PPP1R16B: variants seen among roughly 807,000 people sequenced by gnomAD.
PPP1R16B encodes protein phosphatase 1 regulatory inhibitor subunit 16B.
In PPP1R16B, 14 loss-of-function variants were observed where a neutral mutation model predicts 61.7. That is an observed-to-expected ratio of 0.23 (90% CI 0.15 to 0.35). The LOEUF is 0.35. Ranked by LOEUF, PPP1R16B falls within the 10% of genes least tolerant of loss-of-function variation. The probability of loss-of-function intolerance (pLI) is 1.00; values close to 1 mark genes in which losing one functional copy is unlikely to be tolerated. For synonymous variants in PPP1R16B, 266 were observed against 305.3 expected, an observed-to-expected ratio of 0.87 and a Z score of 1.34; for missense variants, 547 against 752.5, an observed-to-expected ratio of 0.73 and a Z score of 3.19.
chr20:38,894,281 C>G (rs2085317075), intron 3 of PPP1R16B, among the ~76,000 whole-genome samples: 1 of 152,188 alleles, frequency 6.6e-6, no homozygotes, highest in Non-Finnish European at 1.5e-5. Flanking sequence ...CACGCCTACA[C>G]CCACGCCCAC....
chr20:38,807,626 G>A (rs540641623), intron 1 of PPP1R16B, among the ~76,000 whole-genome samples: 1 of 152,216 alleles, frequency 6.6e-6, no homozygotes, highest in South Asian at 2.1e-4. Flanking sequence ...AATCTCCCAT[G>A]CCCTTCTCTC....
intron 3 of PPP1R16B, among the ~76,000 whole-genome samples, chr20:38,891,386 T>C (rs556852536): frequency 3.9e-4 from 59 of 152,378 alleles, no homozygotes; most frequent in African/African-American, 1.4e-3. Flanking sequence ...CAGCACTCGA[T>C]ACTGGATAAA....
At chr20:38,841,353 GAAAAA>G (rs34203271) in intron 2 of PPP1R16B, among the ~76,000 whole-genome samples, 1 of 42,584 alleles carries the variant, frequency 2.3e-5, no homozygotes, top group African/African-American at 8.0e-5. Context: ...TGTCTGTACT[GAAAAA>G]AAAAAAAAAA....
intron 2 of PPP1R16B, among the ~76,000 whole-genome samples, chr20:38,872,163 G>A (rs762604040): frequency 5.9e-5 from 9 of 152,162 alleles, no homozygotes; most frequent in Non-Finnish European, 1.2e-4. Flanking sequence ...GACTTCACCG[G>A]GTGGTGCCTT....
chr20:38,895,218 C>T (rs2085325263), intron 3 of PPP1R16B, among the ~76,000 whole-genome samples: 1 of 151,830 alleles, frequency 6.6e-6, no homozygotes, highest in African/African-American at 2.4e-5. Context: ...TGGAGAAAGC[C>T]TTTTGGGATT....
At chr20:38,851,368 G>A (rs368728274) in intron 2 of PPP1R16B, among the ~76,000 whole-genome samples, 5 of 151,996 alleles carry the variant, frequency 3.3e-5, no homozygotes, top group East Asian at 1.9e-4. Context: ...AGGAGGCTGA[G>A]GCAGGAGAAT....
chr20:38,835,870 T>C lies in PPP1R16B; in HGVS notation c.-56T>C. The C allele has an allele frequency of 6.8e-7, 1 of 1,472,954 alleles. No homozygotes were observed. The highest frequency in any genetic ancestry group is 1.3e-5 in the South Asian group (1 of 74,620). 91.2% of individuals were successfully genotyped at this position (1,472,954 alleles called of 1,614,324 possible). A position where few individuals can be genotyped will look rare whatever the true frequency, so the allele number is the denominator to read the frequency against. ...CCCCACCAGAGGCCCCGCGCTGCCC[T>C]GGCCCCCGGTGCACCGTGCTAGCCC... On this transcript the variant is annotated 5_prime_UTR_variant, in exon 2 of 11. Transcript: ENST00000299824.
At chr20:38,903,228 A>G (rs2085410936) in intron 6 of PPP1R16B, among the ~76,000 whole-genome samples, 2 of 152,120 alleles carry the variant, frequency 1.3e-5, no homozygotes, top group South Asian at 4.1e-4. Context: ...CTGTTCACCA[A>G]CTGCTCTGTC....
intron 1 of PPP1R16B, among the ~76,000 whole-genome samples, chr20:38,821,105 C>T (rs998641431): frequency 6.6e-6 from 1 of 151,860 alleles, no homozygotes; most frequent in African/African-American, 2.4e-5. Context: ...CTGTGATCGT[C>T]CTGTATATTC....
intron 2 of PPP1R16B, 22 bp downstream of exon 2, chr20:38,836,197 C>T (rs768382667): frequency 2.5e-6 from 4 of 1,595,920 alleles, no homozygotes; most frequent in Non-Finnish European, 1.7e-6. Flanking sequence ...TGTGCCTTGG[C>T]GGCCACGCAG....
chr20:38,815,974 C>T (rs762343337), intron 1 of PPP1R16B, among the ~76,000 whole-genome samples: 4 of 151,996 alleles, frequency 2.6e-5, no homozygotes, highest in African/African-American at 7.3e-5. Flanking sequence ...GTTTGATAAA[C>T]TCTATATTCA....
Position 38,843,179 on chromosome 20 carries a change from C to T in PPP1R16B, c.250+7004C>T, listed in dbSNP as rs753825833. ...ATATTTACTGTATTCGAAATTTAAA[C>T]GGAGGCATTAAATATTTATTCATTC... is the stretch of plus-strand genomic sequence containing the variant. On this transcript the variant is annotated intron_variant, in intron 2 of 10. Coordinates refer to ENST00000299824, the MANE Select transcript of PPP1R16B (RefSeq NM_015568.4). Among the ~76,000 whole-genome samples the T allele has an allele frequency of 8.5e-5, 13 of 152,340 alleles. No individual in the cohort carries two copies. In the South Asian group the frequency reaches 1.0e-3, roughly 12 times the overall value.
chr20:38,892,522 C>G (rs1307025704), intron 3 of PPP1R16B, among the ~76,000 whole-genome samples: 1 of 152,090 alleles, frequency 6.6e-6, no homozygotes, highest in Non-Finnish European at 1.5e-5. Flanking sequence ...TCAACAAATA[C>G]CTATTGTGTA....
At chr20:38,901,478 C>T (rs750647029) in intron 5 of PPP1R16B, among the ~76,000 whole-genome samples, 7 of 152,176 alleles carry the variant, frequency 4.6e-5, no homozygotes, top group African/African-American at 7.2e-5. Flanking sequence ...GGCACAATCT[C>T]GGCTCACTGC....
chr20:38,903,921 G>A (rs190294516), intron 6 of PPP1R16B, among the ~76,000 whole-genome samples: 96 of 152,268 alleles, frequency 6.3e-4, no homozygotes, highest in Non-Finnish European at 1.1e-3. Context: ...GGGGGTGGGT[G>A]CCCTGTCCCA....
rs2085558331 is a variant in PPP1R16B, at chr20:38,918,275, C to T, written c.1313C>T (p.Ala438Val). 6 of 1,614,226 alleles carry T rather than the reference C, an allele frequency of 3.7e-6. No homozygotes were observed. The highest frequency in any genetic ancestry group is 5.1e-6 in the Non-Finnish European group (6 of 1,180,038). ...GCTCCGGTCAGTGCCTACCAGTATGCGCTGGCCAACGGGGATGTCTGGAAG... is the reference window on the plus strand; with the variant it reads ...GCTCCGGTCAGTGCCTACCAGTATGTGCTGGCCAACGGGGATGTCTGGAAG... ...LRAPVSAYQYALANGDVWKVH... is the reference protein window; with the variant it reads ...LRAPVSAYQYVLANGDVWKVH... Residue 438 changes from alanine to valine, a missense_variant, in exon 11 of 11, where the codon GCG becomes GTG. Physicochemically the swap from Ala to Val is moderately conservative, Grantham distance 64. Transcript: ENST00000299824. The surrounding 1 kb of genome is among the most constrained non-coding windows in gnomAD (Gnocchi z 5.3).
At chr20:38,884,932 A>T (rs567496150) in intron 2 of PPP1R16B, among the ~76,000 whole-genome samples, 2 of 148,534 alleles carry the variant, frequency 1.3e-5, no homozygotes, top group Non-Finnish European at 3.0e-5. Context: ...TTAGCTGAGC[A>T]TGGTGGCACA....
rs773134982 is a variant in PPP1R16B, at chr20:38,908,000, G to C, written c.1029-28G>C. On this transcript the variant is annotated intron_variant, in intron 9 of 10. Coordinates refer to ENST00000299824, the MANE Select transcript of PPP1R16B (RefSeq NM_015568.4). The surrounding 1 kb of genome is among the most constrained non-coding windows in gnomAD (Gnocchi z 4.5). ...CTCCTGCCTGTGGTGCCTGGGTGCA[G>C]CCTCTAGGACCCACTTTGTCCTCTC... The C allele has an allele frequency of 2.5e-6, 4 of 1,614,034 alleles. No individual in the cohort carries two copies. In the South Asian group the frequency reaches 4.4e-5, roughly 18 times the overall value.
In PPP1R16B at chr20:38,918,205, A is replaced by G; in HGVS notation, c.1243A>G (p.Ile415Val). Residue 415 changes from isoleucine to valine, a missense_variant, in exon 11 of 11, where the codon ATC becomes GTC. Coordinates refer to ENST00000299824, the MANE Select transcript of PPP1R16B (RefSeq NM_015568.4). This position sits in a 1 kb window ranked among gnomAD's most constrained non-coding sequence, Gnocchi z 5.3. ...PVLLSEFPTK[I>V]PRGELDMPVE... ...GCTACTCTCCGAATTTCCTACCAAG[A>G]TCCCACGAGGTGAACTGGACATGCC... 1.2e-6 allele frequency: 2 copies of G among 1,614,218 alleles called. No individual in the cohort carries two copies. Among genetic ancestry groups the G allele is most frequent in the Non-Finnish European group, 1.7e-6 (2 of 1,180,032 alleles).
Sources: gnomAD v4.1 joint callset for allele counts (sites outside exome capture counted in the v4.1 genomes callset) on GRCh38, gnomAD v4.1.1 for gene constraint, Gnocchi (gnomAD v3.1) non-coding constraint, MANE v1.5 for transcripts, NCBI Gene and HGNC (gene_info 2026-07-23, HGNC 2026-07-21) for gene names.